Variants in PSME1 observed in about 807,000 individuals in gnomAD.
PSME1 encodes the protein proteasome activator complex subunit 1.
PSME1 carries 15 observed loss-of-function variants against 38.4 expected under a neutral mutation model. The observed-to-expected ratio is 0.39, with a 90% confidence interval of 0.26 to 0.60. The LOEUF (loss-of-function observed/expected upper bound fraction) is 0.60, where lower values mean the gene tolerates loss of function less well. Among genes scored for constraint, PSME1 ranks in the 20% least tolerant of loss-of-function variants. PSME1 has a pLI of 0.53. For synonymous variants in PSME1, 106 were observed against 106.8 expected (o/e 0.99, Z 0.05); for missense variants, 249 against 305.6 (o/e 0.81, Z 1.38).
Position 24,138,483 on chromosome 14 carries a change from C to G in PSME1, c.592C>G (p.Arg198Gly), listed in dbSNP as rs144591736. The change falls in exon 10 of 11, where the codon CGG (arginine) becomes GGG (glycine). Residue 198 changes from arginine (R) to glycine (G), a missense_variant. Arg to Gly is a moderately radical substitution (Grantham distance 125). Coordinates refer to ENST00000206451, the MANE Select transcript of PSME1 (RefSeq NM_006263.4). ...AAKQPHVGDY[R>G]QLVHELDEAE... ...CCCGAGCTTCCCACAGGGTGATTATCGGCAGCTGGTGCACGAGCTGGATGA... is the reference window on the plus strand; with the variant it reads ...CCCGAGCTTCCCACAGGGTGATTATGGGCAGCTGGTGCACGAGCTGGATGA... The G allele has an allele frequency of 6.2e-7, 1 of 1,614,002 alleles. No individual in the cohort carries two copies. Among genetic ancestry groups the G allele is most frequent in the African/African-American group, 1.3e-5 (1 of 75,034 alleles).
intron 7 of PSME1, 34 bp from the exon 8 acceptor site, chr14:24,138,162 T>G (rs961836350): frequency 2.8e-5 from 45 of 1,613,992 alleles, no homozygotes; most frequent in Non-Finnish European, 3.7e-5. Context: ...AGTCCATGCT[T>G]CCTTCCACTT....
rs1594354912 is a variant in PSME1 at position 24,137,345 on chromosome 14, T to C, written c.160T>C (p.Leu54=). The C allele has an allele frequency of 1.2e-6, 2 of 1,614,044 alleles. No individual in the cohort carries two copies. The highest frequency in any genetic ancestry group is 1.7e-6 in the Non-Finnish European group (2 of 1,180,028). The change falls in exon 4 of 11, where the codon TTG becomes CTG. Residue 54 remains leucine, a synonymous_variant. Transcript: ENST00000206451. ...GGAGCCAGCTCTCAATGAAGCCAAC[T>C]TGAGCAATCTGAAGGCCCCATTGGA... is the stretch of plus-strand genomic sequence containing the variant. ...LKEPALNEAN[L]SNLKAPLDIP...
At position 24,138,258 on chromosome 14, in the gene PSME1, C is replaced by T. The variant is rs1229752604; in HGVS notation, c.522C>T (p.Ile174=). Residue 174 remains isoleucine (I), a synonymous_variant, in exon 8 of 11, where the codon ATC becomes ATT. Coordinates refer to ENST00000206451, the MANE Select transcript of PSME1 (RefSeq NM_006263.4). The part of the protein sequence containing the change: ...HTKLEGFHTQ[I]SKYFSERGDA... Reference sequence around the variant, plus strand: ...AGCTAGAAGGCTTCCACACTCAAATCTCTAAGTGAGTGACCACCCATGTGC... The same window carrying T: ...AGCTAGAAGGCTTCCACACTCAAATTTCTAAGTGAGTGACCACCCATGTGC... The T allele has an allele frequency of 1.4e-5, 23 of 1,614,046 alleles. No homozygotes were observed. Among genetic ancestry groups the T allele is most frequent in the Non-Finnish European group, 1.9e-5 (23 of 1,179,986 alleles).
At position 24,137,765 on chromosome 14, in the gene PSME1, G is replaced by C. The variant is rs757735546; in HGVS notation, c.358G>C (p.Glu120Gln). ...GGTCCTTCTGCAGCGCTTGAAGCCT[G>C]AGATCAAGGATGTCATTGAGCAGCT... is the stretch of plus-strand genomic sequence containing the variant. ...IVVLLQRLKP[E>Q]IKDVIEQLNL... Residue 120 changes from glutamate (E) to glutamine (Q), a missense_variant, in exon 6 of 11, where the codon GAG becomes CAG. Transcript: ENST00000206451. 1.9e-6 allele frequency: 3 copies of C among 1,614,098 alleles called. No homozygotes were observed. The African/African-American group carries it at 4.0e-5, about 22-fold the overall frequency.
chr14:24,137,111 C>G, intron 2 of PSME1, 32 bp from the exon 3 acceptor site: 1 of 1,613,970 alleles, frequency 6.2e-7, no homozygotes, highest in Non-Finnish European at 8.5e-7. Flanking sequence ...GATGCTGACT[C>G]CCATCCTCCT....
chr14:24,138,081 G>T lies in PSME1; in HGVS notation c.423G>T (p.Arg141=). The change falls in exon 7 of 11, where the codon CGG becomes CGT. Residue 141 remains arginine, a synonymous_variant. Transcript: ENST00000206451. ...CCTGGTTGCAGCTGCAGATACCTCGGATTGAGGATGGTAACAATTTTGGAG... is the reference window on the plus strand; with the variant it reads ...CCTGGTTGCAGCTGCAGATACCTCGTATTGAGGATGGTAACAATTTTGGAG... The part of the protein sequence containing the change: ...VTTWLQLQIP[R]IEDGNNFGVA... 6 of 1,614,246 alleles carry T rather than the reference G, an allele frequency of 3.7e-6. No individual in the cohort carries two copies. The highest frequency in any genetic ancestry group is 5.1e-6 in the Non-Finnish European group (6 of 1,180,036).
rs141492772 is a variant in PSME1 at position 24,138,084 on chromosome 14, T to C, written c.426T>C (p.Ile142=). The change falls in exon 7 of 11, where the codon ATT becomes ATC. Residue 142 remains isoleucine (I), a synonymous_variant. Coordinates refer to ENST00000206451, the MANE Select transcript of PSME1 (RefSeq NM_006263.4). ...GGTTGCAGCTGCAGATACCTCGGATTGAGGATGGTAACAATTTTGGAGTGG... is the reference window on the plus strand; with the variant it reads ...GGTTGCAGCTGCAGATACCTCGGATCGAGGATGGTAACAATTTTGGAGTGG... ...TTWLQLQIPR[I]EDGNNFGVAV... is the part of the protein sequence containing the mutation. 29 of 1,614,058 alleles carry C rather than the reference T, an allele frequency of 1.8e-5. No individual in the cohort carries two copies. Among genetic ancestry groups the C allele is most frequent in the Non-Finnish European group, 2.4e-5 (28 of 1,180,022 alleles).
chr14:24,137,738 G>C lies in PSME1; in HGVS notation c.331G>C (p.Val111Leu). Residue 111 changes from valine to leucine, a missense_variant, in exon 6 of 11, where the codon GTG becomes CTG. Coordinates refer to ENST00000206451, the MANE Select transcript of PSME1 (RefSeq NM_006263.4). Reference protein sequence around the residue: ...CGPVNCNEKIVVLLQRLKPEI... With the variant: ...CGPVNCNEKILVLLQRLKPEI... ...CCCAGTGAACTGCAATGAAAAGATC[G>C]TGGTCCTTCTGCAGCGCTTGAAGCC... The C allele has an allele frequency of 6.2e-7, 1 of 1,614,208 alleles. No homozygotes were observed. Among genetic ancestry groups the C allele is most frequent in the Non-Finnish European group, 8.5e-7 (1 of 1,180,040 alleles).
chr14:24,138,658 C>T (rs372234188), intron 10 of PSME1, 78 bp from the exon 11 acceptor site: 10 of 1,613,394 alleles, frequency 6.2e-6, no homozygotes, highest in Middle Eastern at 1.7e-4. Flanking sequence ...TGACAAAGCT[C>T]AGCTTCTCCA....
chr14:24,137,993 G>A, intron 6 of PSME1, 56 bp from the exon 7 acceptor site: 1 of 1,595,834 alleles, frequency 6.3e-7, no homozygotes, highest in Non-Finnish European at 8.6e-7. Context: ...GGGAGAATAT[G>A]AAACTGGGAA....
rs1226699742 is a variant in PSME1, at chr14:24,138,873, G to A, written c.*57G>A. The A allele has an allele frequency of 3.1e-6, 5 of 1,594,942 alleles. No homozygotes were observed. In the East Asian group the frequency reaches 6.7e-5, roughly 21 times the overall value. On this transcript the variant is annotated 3_prime_UTR_variant, in exon 11 of 11. Transcript: ENST00000206451. Reference sequence around the variant, plus strand: ...GCAGAGACCTTCCTGCTTTTTACTGGGGACTCCAGATTTTCCCCAAACTTG... The same window carrying A: ...GCAGAGACCTTCCTGCTTTTTACTGAGGACTCCAGATTTTCCCCAAACTTG...
Position 24,136,420 on chromosome 14 carries a change from G to A in PSME1, c.39+119G>A. 9.6e-7 allele frequency: 1 copy of A among 1,039,642 alleles called. No homozygotes were observed. The highest frequency in any genetic ancestry group is 1.3e-6 in the Non-Finnish European group (1 of 771,320). 64.4% of individuals were successfully genotyped at this position (1,039,642 alleles called of 1,614,324 possible). A position where few individuals can be genotyped will look rare whatever the true frequency, so the allele number is the denominator to read the frequency against. ...GTCGGGGGCAGTCGGCCGAGCTGGC[G>A]CGCCCGGAGCACCTGCGCCCCGGGG... On this transcript the variant is annotated intron_variant, in intron 1 of 10. Transcript: ENST00000206451. The surrounding 1 kb of genome is among the most constrained non-coding windows in gnomAD (Gnocchi z 4.8).
rs746515962 is a variant in PSME1, at chr14:24,137,437, C to T, written c.246+6C>T. ...AGCGGAAGAAACAGCAGGAGGCAAGCTGGGAAGACCTGGGAGAAGGGATCC... is the reference window on the plus strand; with the variant it reads ...AGCGGAAGAAACAGCAGGAGGCAAGTTGGGAAGACCTGGGAGAAGGGATCC... On this transcript the variant is annotated splice_donor_region_variant and intron_variant, in intron 4 of 10. Coordinates refer to ENST00000206451, the MANE Select transcript of PSME1 (RefSeq NM_006263.4). 34 of 1,613,930 alleles carry T rather than the reference C, an allele frequency of 2.1e-5. No homozygotes were observed. Among genetic ancestry groups the T allele is most frequent in the Non-Finnish European group, 5.1e-6 (6 of 1,179,906 alleles).
Position 24,138,888 on chromosome 14 carries a change from C to T in PSME1, c.*72C>T, listed in dbSNP as rs1395456154. 6.9e-6 allele frequency: 11 copies of T among 1,591,482 alleles called. No homozygotes were observed. Among genetic ancestry groups the T allele is most frequent in the Non-Finnish European group, 8.6e-6 (10 of 1,166,082 alleles). On this transcript the variant is annotated 3_prime_UTR_variant, in exon 11 of 11. Coordinates refer to ENST00000206451, the MANE Select transcript of PSME1 (RefSeq NM_006263.4). ...CTTTTTACTGGGGACTCCAGATTTT[C>T]CCCAAACTTGCTTCTGTTGAGATTT... is the stretch of plus-strand genomic sequence containing the variant.
rs752947333 is a variant in PSME1 at position 24,137,134 on chromosome 14, C to CGG, written c.73-9_73-8insGG. 6.2e-7 allele frequency: 1 copy of CGG among 1,614,170 alleles called. No individual in the cohort carries two copies. Among genetic ancestry groups the CGG allele is most frequent in the Non-Finnish European group, 8.5e-7 (1 of 1,179,986 alleles). ...CTCCCATCCTCCTCCACCCCCACCT[C>CGG]ACACACAGACAGAGAACCTGCTCGG... On this transcript the variant is annotated splice_polypyrimidine_tract_variant and intron_variant, in intron 2 of 10. Transcript: ENST00000206451.
In PSME1 at chr14:24,136,783, C is replaced by T. The variant is rs1244946852; in HGVS notation, c.40-202C>T. 6.2e-6 allele frequency: 4 copies of T among 648,612 alleles called. No homozygotes were observed. The highest frequency in any genetic ancestry group is 1.1e-5 in the Non-Finnish European group (4 of 357,720). The allele number at this position is 648,612 out of a possible 1,614,324, so 40.2% of individuals were successfully genotyped here. A position where few individuals can be genotyped will look rare whatever the true frequency, so the allele number is the denominator to read the frequency against. ...CCCCAGGGATACCCACTCCACTTTC[C>T]GTAGATCCAGGTCTGCAGAGATCCA... On this transcript the variant is annotated intron_variant, in intron 1 of 10. Coordinates refer to ENST00000206451, the MANE Select transcript of PSME1 (RefSeq NM_006263.4). The surrounding 1 kb of genome is among the most constrained non-coding windows in gnomAD (Gnocchi z 4.8).
chr14:24,138,152 AG>A, intron 7 of PSME1, 35 bp downstream of exon 7: 1 of 1,613,972 alleles, frequency 6.2e-7, no homozygotes, highest in Non-Finnish European at 8.5e-7. Flanking sequence ...GCTCTTTTCT[AG>A]TCCATGCTTC....
chr14:24,137,067 C>T (rs769636356), intron 2 of PSME1, 50 bp downstream of exon 2: 1 of 1,614,076 alleles, frequency 6.2e-7, no homozygotes, highest in Non-Finnish European at 8.5e-7. Flanking sequence ...ACTCCTACTG[C>T]TCAACCCTGC....
Position 24,138,282 on chromosome 14 carries a change from GCA to G in PSME1, c.527+23_527+24del. The G allele has an allele frequency of 1.2e-6, 2 of 1,614,014 alleles. No individual in the cohort carries two copies. The highest frequency in any genetic ancestry group is 2.2e-5 in the East Asian group (1 of 44,880). ...TCTCTAAGTGAGTGACCACCCATGTGCACACTGTTTTTGTTTTGGGAGACCTC... is the reference window on the plus strand; with the variant it reads ...TCTCTAAGTGAGTGACCACCCATGTGCACTGTTTTTGTTTTGGGAGACCTC... On this transcript the variant is annotated intron_variant, in intron 8 of 10. Coordinates refer to ENST00000206451, the MANE Select transcript of PSME1 (RefSeq NM_006263.4).
Sources: gnomAD v4.1 joint callset for allele counts on GRCh38, gnomAD v4.1.1 for gene constraint, Gnocchi (gnomAD v3.1) non-coding constraint, MANE v1.5 for transcripts, NCBI Gene and HGNC (gene_info 2026-07-23, HGNC 2026-07-21) for gene names.